Variants in ZNF362 observed in about 807,000 individuals in gnomAD.
ZNF362 encodes zinc finger protein 362.
ZNF362 carries 11 observed loss-of-function variants against 42.9 expected under a neutral mutation model. The ratio of observed to expected loss-of-function variants is 0.26; its 90% confidence interval spans 0.16 to 0.42. ZNF362 has a LOEUF of 0.42. Ranked by LOEUF, ZNF362 falls within the 20% of genes least tolerant of loss-of-function variation. The probability of loss-of-function intolerance (pLI) is 1.00; values close to 1 mark genes in which losing one functional copy is unlikely to be tolerated. For missense variants in ZNF362, 362 were observed against 576.2 expected (o/e 0.63, Z 3.81); for synonymous variants, 255 against 257.3 (o/e 0.99, Z 0.09).
At chr1:33,151,425 C>T in the ZNF362 span, among the ~76,000 whole-genome samples, 7 of 152,124 alleles carry the variant, frequency 4.6e-5, no homozygotes, top group African/African-American at 1.7e-4. Context: ...TTGCACGAAT[C>T]ATTAACACAG....
At chr1:33,260,217 C>T (rs1234607688) in intron 1 of ZNF362, among the ~76,000 whole-genome samples, 1 of 152,212 alleles carries the variant, frequency 6.6e-6, no homozygotes, top group East Asian at 1.9e-4. Flanking sequence ...TCTAATGTTT[C>T]CTAGGCATTT....
the ZNF362 span, chr1:33,165,659 G>A: frequency 7.6e-5 from 85 of 1,118,950 alleles, no homozygotes; most frequent in African/African-American, 1.3e-3. The surrounding 1 kb of genome is among the most constrained non-coding windows in gnomAD (Gnocchi z 4.0). Flanking sequence ...GGTTAGCCTG[G>A]TCTCTGTCCC....
chr1:33,235,558 C>T, the ZNF362 span, among the ~76,000 whole-genome samples: 1 of 152,186 alleles, frequency 6.6e-6, no homozygotes, highest in Non-Finnish European at 1.5e-5. Context: ...CACAGTAAGG[C>T]AGACTTTACT....
the ZNF362 span, among the ~76,000 whole-genome samples, chr1:33,223,615 G>T: frequency 5.3e-5 from 8 of 152,164 alleles, no homozygotes; most frequent in South Asian, 2.1e-4. Context: ...AGACCAGGCT[G>T]GCCATGGTGG....
intron 8 of ZNF362, among the ~76,000 whole-genome samples, chr1:33,298,139 G>A (rs979679272): frequency 2.0e-5 from 3 of 152,186 alleles, no homozygotes; most frequent in African/African-American, 7.2e-5. Flanking sequence ...GGCCTGCAGT[G>A]AGCCCTGGGT....
At chr1:33,170,808 C>T in the ZNF362 span, among the ~76,000 whole-genome samples, 1 of 152,218 alleles carries the variant, frequency 6.6e-6, no homozygotes, top group Non-Finnish European at 1.5e-5. Flanking sequence ...CCTAACCTCT[C>T]TGTGCCCCAG....
At chr1:33,223,945 T>C in the ZNF362 span, among the ~76,000 whole-genome samples, 2 of 151,464 alleles carry the variant, frequency 1.3e-5, no homozygotes, top group Non-Finnish European at 2.9e-5. Context: ...TTGGATCAGC[T>C]TAGTCCCTGA....
At chr1:33,251,919 C>T (rs1413634290), upstream of ZNF362, among the ~76,000 whole-genome samples, 1 of 152,256 alleles carries the variant, frequency 6.6e-6, no homozygotes, top group Non-Finnish European at 1.5e-5. Context: ...AGTCTATTCT[C>T]TTTCCAGAGG....
the ZNF362 span, among the ~76,000 whole-genome samples, chr1:33,206,395 T>G: frequency 3.9e-5 from 6 of 151,998 alleles, no homozygotes. Flanking sequence ...AAGAAAAAAT[T>G]GATAAACTGG....
At chr1:33,243,722 G>T in the ZNF362 span, among the ~76,000 whole-genome samples, 2 of 149,880 alleles carry the variant, frequency 1.3e-5, no homozygotes, top group Admixed American at 6.6e-5. Context: ...TCAGCCTCCC[G>T]AATAGCTGGG....
At chr1:33,290,061 C>G (rs919147610) in intron 6 of ZNF362, among the ~76,000 whole-genome samples, 2 of 151,732 alleles carry the variant, frequency 1.3e-5, no homozygotes, top group African/African-American at 4.8e-5. Context: ...GCTGGAGGAG[C>G]TAGTGCAAGG....
chr1:33,175,001 G>GTATATGTATATGTATATGTA, the ZNF362 span, among the ~76,000 whole-genome samples: 5 of 135,668 alleles, frequency 3.7e-5, no homozygotes, highest in African/African-American at 1.5e-4. Flanking sequence ...ACACACACAT[G>GTATATGTATATGTATATGTA]TATGTATATG....
the ZNF362 span, chr1:33,181,473 G>A: frequency 6.5e-7 from 1 of 1,540,544 alleles, no homozygotes; most frequent in Non-Finnish European, 8.7e-7. This position sits in a 1 kb window ranked among gnomAD's most constrained non-coding sequence, Gnocchi z 6.5. Context: ...AGGGGCAGGG[G>A]GGCGGCTGAG....
the ZNF362 span, among the ~76,000 whole-genome samples, chr1:33,133,890 G>T: frequency 2.0e-5 from 3 of 152,252 alleles, no homozygotes; most frequent in Non-Finnish European, 2.9e-5. Context: ...GTACTTGCTT[G>T]TGGACCCAAA....
the ZNF362 span, chr1:33,145,744 G>T: frequency 2.5e-6 from 1 of 405,414 alleles, no homozygotes; most frequent in Non-Finnish European, 5.1e-6. Context: ...CAGGGATAGA[G>T]CCAAGGGGCA....
Position 33,300,590 on chromosome 1 carries a change from AAG to A in ZNF362, c.*1545_*1546del, listed in dbSNP as rs1211783849. 2 of 152,132 alleles carry A rather than the reference AAG, an allele frequency of 1.3e-5. No homozygotes were observed. Among genetic ancestry groups the A allele is most frequent in the Non-Finnish European group, 2.9e-5 (2 of 68,026 alleles). The allele number at this position is 152,132 out of a possible 1,614,324, so 9.4% of individuals were successfully genotyped here. A position where few individuals can be genotyped will look rare whatever the true frequency, so the allele number is the denominator to read the frequency against. On this transcript the variant is annotated 3_prime_UTR_variant, in exon 9 of 9. Coordinates refer to ENST00000539719, the MANE Select transcript of ZNF362 (RefSeq NM_152493.3). ...AAGGTAGTTTGCATTCTATTTAAAA[AAG>A]GGAGTGGGGAGCAAATGAAAATCAA...
chr1:33,281,859 C>T lies in ZNF362; in HGVS notation c.908+48C>T, dbSNP rs1360870630. 1.9e-6 allele frequency: 3 copies of T among 1,595,188 alleles called. No individual in the cohort carries two copies. Among genetic ancestry groups the T allele is most frequent in the Non-Finnish European group, 2.6e-6 (3 of 1,165,618 alleles). ...TGCTGCAGCCCGACTCAGCTCAGCA[C>T]CCGTGGCCTGGCACATGGAGCCAGT... On this transcript the variant is annotated intron_variant, in intron 6 of 8. Transcript: ENST00000539719. The surrounding 1 kb of genome is among the most constrained non-coding windows in gnomAD (Gnocchi z 4.8).
At chr1:33,260,792 G>A (rs1645823779) in intron 1 of ZNF362, among the ~76,000 whole-genome samples, 1 of 152,130 alleles carries the variant, frequency 6.6e-6, no homozygotes, top group South Asian at 2.1e-4. Flanking sequence ...CACCCCGGGA[G>A]ACTCAGGGCT....
the ZNF362 span, among the ~76,000 whole-genome samples, chr1:33,249,418 G>T: frequency 6.6e-6 from 1 of 152,218 alleles, no homozygotes; most frequent in African/African-American, 2.4e-5. Context: ...ATCATGTAGA[G>T]CAAGTTAGAT....
Sources: allele counts gnomAD v4.1 joint callset (sites outside exome capture counted in the v4.1 genomes callset), GRCh38; gene constraint gnomAD v4.1.1; non-coding constraint Gnocchi (gnomAD v3.1); transcripts MANE v1.5; gene names NCBI Gene and HGNC (gene_info 2026-07-23, HGNC 2026-07-21).